Variants in CYFIP2 observed in about 807,000 individuals in gnomAD.
The protein encoded by CYFIP2 is cytoplasmic FMR1-interacting protein 2.
Under a neutral mutation model 158.7 loss-of-function variants are expected in CYFIP2, and 29 were observed. That is an observed-to-expected ratio of 0.18 (90% CI 0.14 to 0.25). CYFIP2 has a LOEUF of 0.25. Ranked by LOEUF, CYFIP2 falls within the 10% of genes least tolerant of loss-of-function variation. The pLI is 1.00. For missense variants in CYFIP2, 852 were observed against 1,639.5 expected, an observed-to-expected ratio of 0.52 and a Z score of 8.29; for synonymous variants, 585 against 617.6, an observed-to-expected ratio of 0.95 and a Z score of 0.78.
chr5:157,300,990 C>A, intron 6 of CYFIP2, 94 bp downstream of exon 6: 1 of 1,161,626 alleles, frequency 8.6e-7, no homozygotes, highest in Non-Finnish European at 1.2e-6. Context: ...CCCCTCTCAC[C>A]TGCTTTTTCT....
At chr5:157,322,872 C>G (rs1760717754) in intron 15 of CYFIP2, 3 of 1,392,320 alleles carry the variant, frequency 2.2e-6, no homozygotes, top group Admixed American at 2.0e-5. Context: ...CTCTCTCTTT[C>G]TCTCTCTCCC....
At chr5:157,362,283 C>T (rs73306247) in intron 26 of CYFIP2, among the ~76,000 whole-genome samples, 4,630 of 152,260 alleles carry the variant, frequency 0.03, 241 homozygotes, top group African/African-American at 0.11. Flanking sequence ...GGTCAGAGTT[C>T]GGCCTGCAGT....
At chr5:157,326,316 C>A in intron 18 of CYFIP2, 49 bp downstream of exon 18, 1 of 1,499,802 alleles carries the variant, frequency 6.7e-7, no homozygotes, top group Non-Finnish European at 9.3e-7. Flanking sequence ...TTCCAAATTC[C>A]GGACTTTTCC....
intron 10 of CYFIP2, among the ~76,000 whole-genome samples, chr5:157,310,221 G>A (rs1759592490): frequency 1.3e-5 from 2 of 152,168 alleles, no homozygotes; most frequent in African/African-American, 2.4e-5. Context: ...TAAGTCCATC[G>A]TGCAGTCGAC....
intron 23 of CYFIP2, among the ~76,000 whole-genome samples, chr5:157,351,663 T>G (rs1214111271): frequency 1.3e-5 from 2 of 152,218 alleles, no homozygotes; most frequent in Non-Finnish European, 2.9e-5. Context: ...TGTTGGCCAC[T>G]AGAGCTGGAG....
chr5:157,340,877 A>G (rs1279252423), intron 22 of CYFIP2, among the ~76,000 whole-genome samples, 193 bp from the exon 23 acceptor site: 1 of 152,168 alleles, frequency 6.6e-6, no homozygotes, highest in African/African-American at 2.4e-5. Context: ...TTTCCCATCT[A>G]TAGAAAGGAG....
intron 26 of CYFIP2, chr5:157,363,360 G>C (rs988782946): frequency 6.6e-6 from 1 of 152,260 alleles, no homozygotes. Flanking sequence ...GCAGTTCTAG[G>C]TTGTGGATAA....
rs554801952 is a variant in CYFIP2 at position 157,343,017 on chromosome 5, C to G, written c.2673+1860C>G. On this transcript the variant is annotated intron_variant, in intron 23 of 30. Coordinates refer to ENST00000620254, the MANE Select transcript of CYFIP2 (RefSeq NM_001037333.3). ...TCCACCAGGGGGAGCCCCTGCAGGTCTTCCTCCCTCTGACCAAGATCCGGG... is the reference window on the plus strand; with the variant it reads ...TCCACCAGGGGGAGCCCCTGCAGGTGTTCCTCCCTCTGACCAAGATCCGGG... The G allele has an allele frequency of 8.0e-5, 129 of 1,614,206 alleles. 1 individual carries two copies. The South Asian group carries it at 9.9e-4, about 12-fold the overall frequency.
At chr5:157,295,272 T>G (rs1445867458) in intron 4 of CYFIP2, among the ~76,000 whole-genome samples, 1 of 152,242 alleles carries the variant, frequency 6.6e-6, no homozygotes, top group Non-Finnish European at 1.5e-5. Flanking sequence ...TTTTGTAAAT[T>G]ATTATTTACA....
At chr5:157,330,579 A>T (rs1296794699) in intron 19 of CYFIP2, among the ~76,000 whole-genome samples, 163 bp from the exon 20 acceptor site, 1 of 152,202 alleles carries the variant, frequency 6.6e-6, no homozygotes, top group Non-Finnish European at 1.5e-5. Context: ...TGTGACTGAA[A>T]AGAAATTTGA....
intron 26 of CYFIP2, among the ~76,000 whole-genome samples, chr5:157,367,351 T>G (rs1193150002): frequency 6.6e-6 from 1 of 152,206 alleles, no homozygotes; most frequent in Non-Finnish European, 1.5e-5. Context: ...TTGTCTGATA[T>G]TCCTTAGGAG....
intron 21 of CYFIP2, among the ~76,000 whole-genome samples, chr5:157,333,674 A>G (rs757929952): frequency 6.6e-6 from 1 of 152,142 alleles, no homozygotes; most frequent in Non-Finnish European, 1.5e-5. Flanking sequence ...AGATTTCTAG[A>G]GATGGCCAAC....
At chr5:157,334,905 T>C (rs2113203470) in intron 21 of CYFIP2, among the ~76,000 whole-genome samples, 1 of 152,336 alleles carries the variant, frequency 6.6e-6, no homozygotes, top group South Asian at 2.1e-4. Flanking sequence ...TGTACCAAAG[T>C]TAATTTCCTT....
chr5:157,304,177 G>A lies in CYFIP2; in HGVS notation c.667-61G>A, dbSNP rs947690438. ...CGGCCAGCTGTAGGGCTTCTGCAGGGGTGCAGGTGAGGGCACAGGATACAT... is the reference window on the plus strand; with the variant it reads ...CGGCCAGCTGTAGGGCTTCTGCAGGAGTGCAGGTGAGGGCACAGGATACAT... On this transcript the variant is annotated intron_variant, in intron 7 of 30. Coordinates refer to ENST00000620254, the MANE Select transcript of CYFIP2 (RefSeq NM_001037333.3). The A allele has an allele frequency of 3.9e-6, 6 of 1,556,570 alleles. No individual in the cohort carries two copies. The African/African-American group carries it at 8.2e-5, about 21-fold the overall frequency.
chr5:157,320,615 T>C (rs1760518103), intron 14 of CYFIP2, 40 bp from the exon 15 acceptor site: 3 of 1,612,700 alleles, frequency 1.9e-6, no homozygotes, highest in Admixed American at 3.3e-5. Context: ...CGTTTTCCCA[T>C]GGTGAAACCT....
chr5:157,387,263 C>A (rs1766792621), intron 28 of CYFIP2, among the ~76,000 whole-genome samples: 1 of 151,752 alleles, frequency 6.6e-6, no homozygotes, highest in South Asian at 2.1e-4. Context: ...TTTTCCTAAC[C>A]ACTAGGCCAC....
intron 26 of CYFIP2, among the ~76,000 whole-genome samples, chr5:157,374,026 A>C (rs1765235076): frequency 6.6e-6 from 1 of 152,214 alleles, no homozygotes; most frequent in Non-Finnish European, 1.5e-5. Flanking sequence ...AGAAAATGAC[A>C]AATTTCAAGT....
At chr5:157,328,687 A>G (rs1037960866) in intron 19 of CYFIP2, among the ~76,000 whole-genome samples, 10 of 152,198 alleles carry the variant, frequency 6.6e-5, no homozygotes, top group African/African-American at 2.4e-4. Flanking sequence ...ATGCCTCCGA[A>G]TGGTTTCAAA....
chr5:157,357,501 T>G (rs898878360), intron 23 of CYFIP2, among the ~76,000 whole-genome samples: 4 of 152,292 alleles, frequency 2.6e-5, no homozygotes, highest in African/African-American at 9.6e-5. Flanking sequence ...ATGTACAAGA[T>G]TTTTGCAATT....
Sources: gnomAD v4.1 joint callset for allele counts (sites outside exome capture counted in the v4.1 genomes callset) on GRCh38, gnomAD v4.1.1 for gene constraint, MANE v1.5 for transcripts, NCBI Gene and HGNC (gene_info 2026-07-23, HGNC 2026-07-21) for gene names.